Variants in MAN1A1 observed in about 807,000 individuals in gnomAD.
The protein encoded by MAN1A1 is mannosidase alpha class 1A member 1, also known as mannosyl-oligosaccharide 1,2-alpha-mannosidase IA.
A neutral mutation model predicts 70.8 loss-of-function variants in MAN1A1; 29 were observed. The ratio of observed to expected loss-of-function variants is 0.41; its 90% CI spans 0.31 to 0.56. The LOEUF (loss-of-function observed/expected upper bound fraction) is 0.56, where lower values mean the gene tolerates loss of function less well. Among genes scored for constraint, MAN1A1 ranks in the 20% least tolerant of loss-of-function variants. The pLI is 0.29. For missense variants in MAN1A1, 747 were observed against 841.3 expected (o/e 0.89, Z 1.39); for synonymous variants, 349 against 330.1 (o/e 1.06, Z -0.62).
intron 2 of MAN1A1, among the ~76,000 whole-genome samples, chr6:119,310,591 C>T (rs547637097): frequency 3.0e-4 from 45 of 152,144 alleles, no homozygotes; most frequent in Non-Finnish European, 4.3e-4. Context: ...GATGAGTCAA[C>T]CCAACCATCC....
intron 2 of MAN1A1, 34 bp downstream of exon 2, chr6:119,348,429 C>G: frequency 6.6e-7 from 1 of 1,518,598 alleles, no homozygotes; most frequent in Admixed American, 1.9e-5. Flanking sequence ...AAAACACGGC[C>G]GGTCGGGAGG....
At chr6:119,206,051 G>A (rs563971501) in intron 6 of MAN1A1, among the ~76,000 whole-genome samples, 2 of 152,296 alleles carry the variant, frequency 1.3e-5, no homozygotes, top group African/African-American at 4.8e-5. Flanking sequence ...ACTTCTTCAA[G>A]GAAGAGACTC....
chr6:119,210,673 C>CT (rs3216463), intron 6 of MAN1A1, among the ~76,000 whole-genome samples: 112,556 of 151,072 alleles, frequency 0.75, 42,225 homozygotes, highest in African/African-American at 0.79. Context: ...TGTCTAGTTT[C>CT]TTTTTTTTTC....
chr6:119,275,597 C>T (rs1156558724), intron 5 of MAN1A1, among the ~76,000 whole-genome samples: 4 of 138,100 alleles, frequency 2.9e-5, no homozygotes, highest in East Asian at 2.0e-4. Flanking sequence ...TGAGCCACCG[C>T]GCCCGGCCTA....
chr6:119,272,567 T>C (rs1336043421), intron 5 of MAN1A1, among the ~76,000 whole-genome samples: 6 of 152,314 alleles, frequency 3.9e-5, no homozygotes, highest in Middle Eastern at 3.4e-3. Flanking sequence ...TAAACTTTAT[T>C]ATATGCTTAT....
chr6:119,331,582 T>TATATATATATATATATATAC (rs1554216779), intron 2 of MAN1A1, among the ~76,000 whole-genome samples: 2 of 144,738 alleles, frequency 1.4e-5, no homozygotes, highest in African/African-American at 5.1e-5. Flanking sequence ...TATATATATA[T>TATATATATATATATATATAC]ATATATATAT....
intron 2 of MAN1A1, among the ~76,000 whole-genome samples, chr6:119,308,898 T>C (rs183891910): frequency 3.3e-5 from 5 of 152,336 alleles, no homozygotes; most frequent in Admixed American, 6.5e-5. Context: ...TTGTCAAAAA[T>C]GATCACTTAT....
At chr6:119,250,667 T>TGTGTGTGCGC (rs1775293956) in intron 5 of MAN1A1, among the ~76,000 whole-genome samples, 1 of 151,606 alleles carries the variant, frequency 6.6e-6, no homozygotes, top group East Asian at 1.9e-4. Flanking sequence ...TGTGTGTGTG[T>TGTGTGTGCGC]GTGTGTGTGC....
intron 11 of MAN1A1, among the ~76,000 whole-genome samples, chr6:119,185,780 C>T (rs545639315): frequency 4.6e-5 from 7 of 151,184 alleles, no homozygotes; most frequent in East Asian, 1.9e-4. Flanking sequence ...GGGGTTTCAC[C>T]GTGTTAGCCA....
intron 2 of MAN1A1, among the ~76,000 whole-genome samples, chr6:119,312,541 C>T (rs557767766): frequency 5.9e-5 from 9 of 152,210 alleles, no homozygotes; most frequent in Admixed American, 3.3e-4. Context: ...CCCCTTCCAC[C>T]GCTTATCTAA....
chr6:119,295,704 A>G (rs1170709188), intron 4 of MAN1A1, among the ~76,000 whole-genome samples: 3 of 152,296 alleles, frequency 2.0e-5, no homozygotes, highest in Admixed American at 2.0e-4. Context: ...CGATCTCTAC[A>G]ATCAGAGACT....
chr6:119,324,785 T>TA (rs1259627148), intron 2 of MAN1A1, among the ~76,000 whole-genome samples: 3 of 152,220 alleles, frequency 2.0e-5, no homozygotes, highest in Admixed American at 6.5e-5. Flanking sequence ...AAGTTGTTAC[T>TA]AAAAAAATAA....
intron 5 of MAN1A1, among the ~76,000 whole-genome samples, chr6:119,276,357 C>T (rs1032629922): frequency 1.3e-5 from 2 of 152,182 alleles, no homozygotes; most frequent in Non-Finnish European, 2.9e-5. Flanking sequence ...GAAACTTTGT[C>T]TAATTTGTTC....
Position 119,204,899 on chromosome 6 carries a change from G to A in MAN1A1, c.993-17C>T, listed in dbSNP as rs377704052. 2.5e-5 allele frequency: 40 copies of A among 1,612,598 alleles called. No individual in the cohort carries two copies. The African/African-American group carries it at 2.8e-4, about 11-fold the overall frequency. On this transcript the variant is annotated splice_polypyrimidine_tract_variant and intron_variant, in intron 6 of 12. Coordinates refer to ENST00000368468, the MANE Select transcript of MAN1A1 (RefSeq NM_005907.4). ...CCAATACCACTAAAGAAGAGATGAC[G>A]TCGAAGAGTTATGGGTCAGATTAAC...
chr6:119,314,383 A>C (rs1230292463), intron 2 of MAN1A1, among the ~76,000 whole-genome samples: 3 of 151,520 alleles, frequency 2.0e-5, no homozygotes, highest in African/African-American at 7.2e-5. Flanking sequence ...ATGGAGGCCG[A>C]GGCTGTAAAG....
At chr6:119,277,482 T>A (rs1464320097) in intron 5 of MAN1A1, among the ~76,000 whole-genome samples, 1 of 152,174 alleles carries the variant, frequency 6.6e-6, no homozygotes, top group African/African-American at 2.4e-5. Context: ...CAAATTTTTT[T>A]ATGAATCAAA....
chr6:119,226,810 A>G (rs1582713472), intron 6 of MAN1A1, among the ~76,000 whole-genome samples: 2 of 151,730 alleles, frequency 1.3e-5, no homozygotes, highest in South Asian at 2.1e-4. Context: ...AGCTGGGATT[A>G]CAGGTGTGAG....
intron 6 of MAN1A1, among the ~76,000 whole-genome samples, chr6:119,205,998 G>C (rs1773849542): frequency 6.6e-6 from 1 of 152,208 alleles, no homozygotes; most frequent in Non-Finnish European, 1.5e-5. Flanking sequence ...AGCATCTAAA[G>C]CTGGGACACA....
intron 6 of MAN1A1, among the ~76,000 whole-genome samples, chr6:119,209,034 G>A (rs1773968470): frequency 1.4e-5 from 2 of 144,606 alleles, no homozygotes; most frequent in South Asian, 4.4e-4. Context: ...GGTGGAGGTT[G>A]CAGTGAGCTG....
Sources: gnomAD v4.1 joint callset for allele counts (sites outside exome capture counted in the v4.1 genomes callset) on GRCh38, gnomAD v4.1.1 for gene constraint, MANE v1.5 for transcripts, NCBI Gene and HGNC (gene_info 2026-07-23, HGNC 2026-07-21) for gene names.